VEPH1: variants seen among roughly 807,000 people sequenced by gnomAD.
The protein encoded by VEPH1 is ventricular zone expressed PH domain containing 1.
VEPH1 carries 80 observed loss-of-function variants against 85.2 expected under a neutral mutation model. The observed-to-expected ratio is 0.94, with a 90% CI of 0.78 to 1.13. The LOEUF is 1.13. Ranked by LOEUF, VEPH1 falls within the 50% of genes most tolerant of loss-of-function variation. VEPH1 has a pLI of 0.00. For missense variants in VEPH1, 955 were observed against 980.5 expected, an observed-to-expected ratio of 0.97 and a Z score of 0.35; for synonymous variants, 297 against 348.0, an observed-to-expected ratio of 0.85 and a Z score of 1.63.
intron 4 of VEPH1, among the ~76,000 whole-genome samples, chr3:157,433,803 T>C (rs1248082137): frequency 6.6e-6 from 1 of 152,238 alleles, no homozygotes. Flanking sequence ...ACGGGGATTA[T>C]GTGTTCCTTG....
intron 9 of VEPH1, among the ~76,000 whole-genome samples, chr3:157,357,561 C>G (rs933367081): frequency 1.3e-5 from 2 of 150,860 alleles, no homozygotes; most frequent in African/African-American, 4.9e-5. Context: ...AGTGTGATCT[C>G]GGCTCACTGC....
At chr3:157,408,597 T>G (rs535426112) in intron 6 of VEPH1, among the ~76,000 whole-genome samples, 1 of 152,230 alleles carries the variant, frequency 6.6e-6, no homozygotes, top group Non-Finnish European at 1.5e-5. Flanking sequence ...ACCTGCAAAT[T>G]GCAACACGAC....
chr3:157,381,034 T>C (rs2108864128), intron 7 of VEPH1, 122 bp downstream of exon 7: 1 of 934,318 alleles, frequency 1.1e-6, no homozygotes, highest in East Asian at 2.5e-5. Context: ...TTTATACAGA[T>C]ATTATTCTCT....
intron 4 of VEPH1, among the ~76,000 whole-genome samples, chr3:157,450,902 T>G (rs1200554252): frequency 6.6e-6 from 1 of 152,174 alleles, no homozygotes; most frequent in Non-Finnish European, 1.5e-5. Flanking sequence ...GGCCAGTACC[T>G]GGTATATAGT....
intron 12 of VEPH1, among the ~76,000 whole-genome samples, chr3:157,277,414 G>A (rs571146817): frequency 2.6e-5 from 4 of 152,264 alleles, no homozygotes; most frequent in East Asian, 1.9e-4. Flanking sequence ...CTTGTGCCCC[G>A]TCTGTGATAA....
intron 11 of VEPH1, among the ~76,000 whole-genome samples, chr3:157,306,819 A>G (rs1482197755): frequency 6.6e-6 from 1 of 152,020 alleles, no homozygotes; most frequent in Non-Finnish European, 1.5e-5. Context: ...CCCTTCATCT[A>G]AATAATGTAC....
chr3:157,379,546 ATGG>A (rs1728524029), intron 7 of VEPH1, among the ~76,000 whole-genome samples: 1 of 152,108 alleles, frequency 6.6e-6, no homozygotes, highest in African/African-American at 2.4e-5. Flanking sequence ...GTGACTCTTG[ATGG>A]TAAGGATAGT....
At chr3:157,497,586 C>A (rs375995284) in intron 1 of VEPH1, among the ~76,000 whole-genome samples, 2 of 152,178 alleles carry the variant, frequency 1.3e-5, no homozygotes, top group Admixed American at 6.5e-5. Context: ...CTTCACCTGA[C>A]CTGTCAGCTT....
At chr3:157,301,088 A>G (rs1164985048) in intron 11 of VEPH1, among the ~76,000 whole-genome samples, 1 of 152,236 alleles carries the variant, frequency 6.6e-6, no homozygotes, top group East Asian at 1.9e-4. Context: ...ATAAAAATCC[A>G]TCTTTTGCTT....
chr3:157,471,268 C>T (rs575145798), intron 2 of VEPH1, among the ~76,000 whole-genome samples: 97 of 152,248 alleles, frequency 6.4e-4, no homozygotes, highest in African/African-American at 2.2e-3. Context: ...TGGGGTTTTT[C>T]GGCACTACAG....
At chr3:157,372,265 GATAGAAAC>G (rs920857946) in intron 7 of VEPH1, among the ~76,000 whole-genome samples, 1 of 152,098 alleles carries the variant, frequency 6.6e-6, no homozygotes, top group African/African-American at 2.4e-5. Flanking sequence ...AATTTTAATT[GATAGAAAC>G]ATAGTTACCC....
At chr3:157,436,254 G>A (rs1385964453) in intron 4 of VEPH1, among the ~76,000 whole-genome samples, 3 of 150,532 alleles carry the variant, frequency 2.0e-5, no homozygotes, top group African/African-American at 7.3e-5. Flanking sequence ...TCCAGCCTGG[G>A]CAACAAGAGC....
At chr3:157,385,390 C>A (rs1336561127) in intron 6 of VEPH1, among the ~76,000 whole-genome samples, 1 of 151,980 alleles carries the variant, frequency 6.6e-6, no homozygotes, top group Non-Finnish European at 1.5e-5. Flanking sequence ...ATTCTCAAAT[C>A]TTTTGGTTTT....
At chr3:157,402,712 T>C (rs1730869531) in intron 6 of VEPH1, among the ~76,000 whole-genome samples, 1 of 152,200 alleles carries the variant, frequency 6.6e-6, no homozygotes, top group South Asian at 2.1e-4. Flanking sequence ...TATTTTCTAT[T>C]TATCTCATAT....
At chr3:157,496,262 A>T (rs1208736253) in intron 1 of VEPH1, among the ~76,000 whole-genome samples, 3 of 152,206 alleles carry the variant, frequency 2.0e-5, no homozygotes, top group Admixed American at 6.5e-5. Flanking sequence ...TTTCTCACCC[A>T]ATTAACAGTC....
intron 12 of VEPH1, among the ~76,000 whole-genome samples, chr3:157,268,816 T>A (rs1414499325): frequency 6.6e-6 from 1 of 152,158 alleles, no homozygotes; most frequent in Non-Finnish European, 1.5e-5. Context: ...GGTGAGATTT[T>A]GGCTCACTGC....
intron 4 of VEPH1, among the ~76,000 whole-genome samples, chr3:157,430,134 A>C (rs1212514638): frequency 6.6e-6 from 1 of 152,210 alleles, no homozygotes; most frequent in African/African-American, 2.4e-5. Context: ...AGATTTGTCA[A>C]AACTTAACCT....
At chr3:157,360,652 G>A (rs769793593) in intron 9 of VEPH1, among the ~76,000 whole-genome samples, 2 of 152,034 alleles carry the variant, frequency 1.3e-5, no homozygotes, top group Non-Finnish European at 2.9e-5. Context: ...TACCTTAAAT[G>A]TGCTCAGAAT....
At chr3:157,450,927 T>C (rs1312590951) in intron 4 of VEPH1, among the ~76,000 whole-genome samples, 2 of 152,144 alleles carry the variant, frequency 1.3e-5, no homozygotes, top group African/African-American at 4.8e-5. Context: ...ACTCAGCAAA[T>C]GTTAACTATT....
Sources: allele counts gnomAD v4.1 joint callset (sites outside exome capture counted in the v4.1 genomes callset), GRCh38; gene constraint gnomAD v4.1.1; transcripts MANE v1.5; gene names NCBI Gene and HGNC (gene_info 2026-07-23, HGNC 2026-07-21).